ASPH: variants seen among roughly 807,000 people sequenced by gnomAD.
The protein encoded by ASPH is aspartate beta-hydroxylase, also known as aspartyl/asparaginyl beta-hydroxylase.
A neutral mutation model predicts 118.4 loss-of-function variants in ASPH; 100 were observed. The ratio of observed to expected loss-of-function variants is 0.84; its 90% CI spans 0.72 to 1.00. The LOEUF is 1.00. ASPH is among the 50% of genes least tolerant of loss of function. The pLI, the probability that ASPH is intolerant of heterozygous loss-of-function variation, is 0.00. For missense variants in ASPH, 920 were observed against 919.5 expected (o/e 1.00, Z -0.01); for synonymous variants, 315 against 325.6 (o/e 0.97, Z 0.35).
chr8:61,533,380 C>G (rs1424222853), intron 21 of ASPH, among the ~76,000 whole-genome samples: 1 of 152,158 alleles, frequency 6.6e-6, no homozygotes, highest in Non-Finnish European at 1.5e-5. Flanking sequence ...TCTCTTATTG[C>G]TCTGAGTATA....
chr8:61,702,787 T>C (rs1327145300), intron 1 of ASPH, among the ~76,000 whole-genome samples: 2 of 152,194 alleles, frequency 1.3e-5, no homozygotes, highest in African/African-American at 2.4e-5. Flanking sequence ...TTCCCAGAAA[T>C]GTAAGGATGG....
chr8:61,540,266 G>A (rs559114722), intron 21 of ASPH, among the ~76,000 whole-genome samples: 1 of 152,276 alleles, frequency 6.6e-6, no homozygotes, highest in South Asian at 2.1e-4. Context: ...AGTGTTAGAG[G>A]TGGGGCCTGG....
At chr8:61,647,686 ATAAAT>A (rs1422484092) in intron 5 of ASPH, among the ~76,000 whole-genome samples, 1 of 152,052 alleles carries the variant, frequency 6.6e-6, no homozygotes, top group African/African-American at 2.4e-5. Context: ...AAATAAATAA[ATAAAT>A]TAAATTAAAT....
chr8:61,515,150 G>T (rs1810420523), intron 24 of ASPH, among the ~76,000 whole-genome samples: 1 of 152,126 alleles, frequency 6.6e-6, no homozygotes, highest in Non-Finnish European at 1.5e-5. Flanking sequence ...GAAGCACTGA[G>T]GCATGAGGCT....
chr8:61,512,237 G>A lies in ASPH; in HGVS notation c.2126+5291C>T, dbSNP rs150800947. 4.4e-3 allele frequency among the ~76,000 whole-genome samples: 664 copies of A among 152,254 alleles called. 9 individuals carry two copies. The highest frequency in any genetic ancestry group is 0.014 in the Admixed American group (221 of 15,292). ...CTGCTAAAAACGATAGATCCATCTG[G>A]AACCTGAGACTATCACCTGATTTGG... On this transcript the variant is annotated intron_variant, in intron 24 of 24. Transcript: ENST00000379454.
At position 61,625,235 on chromosome 8, in the gene ASPH, A is replaced by C. The variant is rs749658546; in HGVS notation, c.935-6216T>G. ...CCAAAATAAACCACATTAAATAAGA[A>C]GAAAATCTTCAGTGTAGAAAGAAAA... On this transcript the variant is annotated intron_variant, in intron 13 of 24. Transcript: ENST00000379454. 54 of 985,834 alleles carry C rather than the reference A, an allele frequency of 5.5e-5. No individual in the cohort carries two copies. In the Middle Eastern group the frequency reaches 2.6e-3, roughly 48 times the overall value. 61.1% of individuals were successfully genotyped at this position (985,834 alleles called of 1,614,324 possible). A position where few individuals can be genotyped will look rare whatever the true frequency, so the allele number is the denominator to read the frequency against.
rs774306827 is a variant in ASPH, at chr8:61,567,289, TCTC to T, written c.1176_1178del (p.Arg393del). On this transcript the variant is annotated inframe_deletion, in exon 17 of 25. Coordinates refer to ENST00000379454, the MANE Select transcript of ASPH (RefSeq NM_004318.4). The stretch of plus-strand genomic sequence containing the variant: ...TGGCTCCACGTAGCACCTCATTACT[TCTC>T]CTCTTCTCAGCCAAATCATCCTCAC... 1.3e-5 allele frequency: 21 copies of T among 1,613,556 alleles called. No individual in the cohort carries two copies. The highest frequency in any genetic ancestry group is 7.7e-5 in the South Asian group (7 of 91,034).
At chr8:61,606,128 C>T (rs1052347041) in intron 14 of ASPH, among the ~76,000 whole-genome samples, 1 of 152,144 alleles carries the variant, frequency 6.6e-6, no homozygotes. Flanking sequence ...AGAGAATGCA[C>T]ATGTATGCTC....
intron 13 of ASPH, chr8:61,626,234 TG>T: frequency 6.5e-7 from 1 of 1,535,690 alleles, no homozygotes; most frequent in South Asian, 1.3e-5. Flanking sequence ...ATGGTTAGGC[TG>T]GTCCTCCTGT....
In ASPH at chr8:61,503,378, C is replaced by T. The variant is rs141861375; in HGVS notation, c.2258G>A (p.Arg753His). Residue 753 changes from arginine to histidine, a missense_variant, in exon 25 of 25, where the codon CGC becomes CAC. Arg to His is a conservative substitution (Grantham distance 29). Transcript: ENST00000379454. ...WHPELTPQQRRSLPAI is the reference protein window; with the variant it reads ...WHPELTPQQRHSLPAI ...TTCATGCTAAATTGCTGGAAGGCTG[C>T]GTCTCTGCTGTGGTGTCAGTTCCGG... is the stretch of plus-strand genomic sequence containing the variant. 5.4e-4 allele frequency: 864 copies of T among 1,605,724 alleles called. No homozygotes were observed. The highest frequency in any genetic ancestry group is 7.0e-4 in the Non-Finnish European group (827 of 1,175,924).
At chr8:61,686,431 A>G (rs1000532938) in intron 1 of ASPH, among the ~76,000 whole-genome samples, 2 of 152,158 alleles carry the variant, frequency 1.3e-5, no homozygotes, top group Non-Finnish European at 1.5e-5. Context: ...CCACTACTAA[A>G]ATTTGAAGAA....
Position 61,553,131 on chromosome 8 carries a change from G to C in ASPH, c.1537-11C>G. On this transcript the variant is annotated splice_polypyrimidine_tract_variant and intron_variant, in intron 19 of 24. Coordinates refer to ENST00000379454, the MANE Select transcript of ASPH (RefSeq NM_004318.4). The stretch of plus-strand genomic sequence containing the variant: ...GGATTCTATTCCTTCCTGTAGAAAG[G>C]ACAGTGTTAGTATGGGTAAAATAAT... 2 of 1,591,906 alleles carry C rather than the reference G, an allele frequency of 1.3e-6. No individual in the cohort carries two copies. Among genetic ancestry groups the C allele is most frequent in the Non-Finnish European group, 1.7e-6 (2 of 1,160,156 alleles).
At chr8:61,688,272 G>A (rs1220590754) in intron 1 of ASPH, among the ~76,000 whole-genome samples, 1 of 152,064 alleles carries the variant, frequency 6.6e-6, no homozygotes, top group East Asian at 1.9e-4. Flanking sequence ...CAGTCAAAGC[G>A]GATTTTTACT....
chr8:61,522,452 T>C (rs1302583439), intron 22 of ASPH, among the ~76,000 whole-genome samples: 3 of 152,180 alleles, frequency 2.0e-5, no homozygotes, highest in Non-Finnish European at 4.4e-5. Context: ...CACGTCATTT[T>C]CTCATCCCTA....
At chr8:61,659,371 G>A (rs1319564923) in intron 3 of ASPH, 2 of 152,172 alleles carry the variant, frequency 1.3e-5, no homozygotes, top group African/African-American at 4.8e-5. Flanking sequence ...ACAGCTTTAA[G>A]CATAGATCAT....
Position 61,520,258 on chromosome 8 carries a change from T to A in ASPH, c.1901-2135A>T, listed in dbSNP as rs1266286094. ...CCCCTGCTTATTAGGGAAGATGTGC[T>A]CAGAATGTACACAATGTCATCTGCT... On this transcript the variant is annotated intron_variant, in intron 22 of 24. Transcript: ENST00000379454. Among the ~76,000 whole-genome samples the A allele has an allele frequency of 2.0e-5, 3 of 152,208 alleles. No individual in the cohort carries two copies. The East Asian group carries it at 5.8e-4, about 29-fold the overall frequency.
intron 13 of ASPH, chr8:61,626,322 A>G: frequency 6.7e-7 from 1 of 1,485,686 alleles, no homozygotes; most frequent in Non-Finnish European, 8.9e-7. Flanking sequence ...GACCAACCAG[A>G]CACAGACTGT....
At chr8:61,575,382 G>T (rs1264045184) in intron 16 of ASPH, among the ~76,000 whole-genome samples, 1 of 151,932 alleles carries the variant, frequency 6.6e-6, no homozygotes, top group Admixed American at 6.6e-5. Flanking sequence ...TTCATACCAC[G>T]TCGACCCCCT....
chr8:61,695,038 T>A (rs1027909808), intron 1 of ASPH, among the ~76,000 whole-genome samples: 4 of 152,214 alleles, frequency 2.6e-5, no homozygotes, highest in Non-Finnish European at 5.9e-5. Context: ...AGATATGGAT[T>A]CTCCTCAGCA....
Sources: allele counts gnomAD v4.1 joint callset (sites outside exome capture counted in the v4.1 genomes callset), GRCh38; gene constraint gnomAD v4.1.1; transcripts MANE v1.5; gene names NCBI Gene and HGNC (gene_info 2026-07-23, HGNC 2026-07-21).